Variants in RASGEF1A observed in about 807,000 individuals in gnomAD.
RASGEF1A encodes the protein ras-GEF domain-containing family member 1A.
In RASGEF1A, 18 loss-of-function variants were observed where a neutral mutation model predicts 56.4. The ratio of observed to expected loss-of-function variants is 0.32; its 90% CI spans 0.22 to 0.47. The LOEUF (loss-of-function observed/expected upper bound fraction) is 0.47. Ranked by LOEUF, RASGEF1A falls within the 20% of genes least tolerant of loss-of-function variation. The pLI is 1.00. For synonymous variants in RASGEF1A, 245 were observed against 242.6 expected, an observed-to-expected ratio of 1.01 and a Z score of -0.09; for missense variants, 422 against 627.1, an observed-to-expected ratio of 0.67 and a Z score of 3.49.
At chr10:43,226,675 C>T (rs1031020729) in intron 1 of RASGEF1A, among the ~76,000 whole-genome samples, 3 of 152,202 alleles carry the variant, frequency 2.0e-5, no homozygotes, top group Admixed American at 6.5e-5. Flanking sequence ...CCAGCTCTGA[C>T]CCCTGACCTC....
intron 1 of RASGEF1A, among the ~76,000 whole-genome samples, chr10:43,243,026 C>G (rs563519006): frequency 6.6e-6 from 1 of 151,596 alleles, no homozygotes; most frequent in African/African-American, 2.4e-5. Context: ...TCTGCCCGCC[C>G]GACCCATCTG....
Position 43,203,392 on chromosome 10 carries a change from C to A in RASGEF1A, c.227G>T (p.Ser76Ile). 6.3e-7 allele frequency: 1 copy of A among 1,585,100 alleles called. No individual in the cohort carries two copies. Among genetic ancestry groups the A allele is most frequent in the East Asian group, 2.3e-5 (1 of 43,538 alleles). ...ATGAGGGGGCATAAAGACCCGGGAG[C>A]TCAGGAGAAAGGTGAAGATGTACGT... ...DRTYIFTFLL[S>I]SRVFMPPHDL... Residue 76 changes from serine (S) to isoleucine (I), a missense_variant, in exon 3 of 13, where the codon AGC becomes ATC. Physicochemically the swap from Ser to Ile is moderately radical, Grantham distance 142 (BLOSUM62 -2). Coordinates refer to ENST00000395810, the MANE Select transcript of RASGEF1A (RefSeq NM_145313.4).
At chr10:43,254,709 G>A (rs967837884) in intron 1 of RASGEF1A, among the ~76,000 whole-genome samples, 3 of 152,190 alleles carry the variant, frequency 2.0e-5, no homozygotes, top group Non-Finnish European at 2.9e-5. Flanking sequence ...CACAGGCAAG[G>A]ATGGAAACCG....
chr10:43,208,195 T>C, intron 1 of RASGEF1A: 3 of 985,400 alleles, frequency 3.0e-6, no homozygotes, highest in Non-Finnish European at 3.6e-6. Context: ...GTGGTAACCT[T>C]GGTCAGTTGG....
intron 8 of RASGEF1A, 22 bp from the exon 9 acceptor site, chr10:43,199,034 G>A (rs777765017): frequency 3.9e-6 from 6 of 1,558,228 alleles, no homozygotes; most frequent in Non-Finnish European, 2.7e-6. Flanking sequence ...AGCAGGTAGG[G>A]TCAGGGCCGG....
At chr10:43,259,352 C>T (rs1383127241) in intron 1 of RASGEF1A, among the ~76,000 whole-genome samples, 1 of 152,094 alleles carries the variant, frequency 6.6e-6, no homozygotes, top group East Asian at 1.9e-4. Flanking sequence ...TACCCAGACT[C>T]CCCCAGGGCT....
At chr10:43,256,451 G>A (rs1028487653) in intron 1 of RASGEF1A, among the ~76,000 whole-genome samples, 2 of 152,090 alleles carry the variant, frequency 1.3e-5, no homozygotes, top group African/African-American at 4.8e-5. Flanking sequence ...AGAAAGGGCT[G>A]GTTGGGGGTG....
In RASGEF1A at chr10:43,206,008, C is replaced by T; in HGVS notation, c.109G>A (p.Asp37Asn). Residue 37 changes from aspartate (D) to asparagine (N), a missense_variant, in exon 2 of 13, where the codon GAC becomes AAC. Asp to Asn is a conservative substitution (Grantham distance 23, BLOSUM62 1). This residue lies in a region of RASGEF1A where 273 missense variants were observed against 339.9 expected (regional missense o/e 0.80). Coordinates refer to ENST00000395810, the MANE Select transcript of RASGEF1A (RefSeq NM_145313.4). ...AGGTGTCCATCTTGGAAGATGAGGT[C>T]CCCGGAGCCGCCACCGGCCCCGCCT... ...RGGGAGGGSG[D>N]LIFQDGHLIS... 1.2e-6 allele frequency: 2 copies of T among 1,611,388 alleles called. No homozygotes were observed. The highest frequency in any genetic ancestry group is 1.3e-5 in the African/African-American group (1 of 75,046).
intron 1 of RASGEF1A, among the ~76,000 whole-genome samples, chr10:43,259,777 G>A (rs528279328): frequency 4.0e-4 from 61 of 152,254 alleles, no homozygotes; most frequent in Admixed American, 6.5e-4. Context: ...CTCACCTCCA[G>A]GAGGTGGAGG....
At chr10:43,222,331 T>C (rs1840219413) in intron 1 of RASGEF1A, among the ~76,000 whole-genome samples, 1 of 152,154 alleles carries the variant, frequency 6.6e-6, no homozygotes, top group Non-Finnish European at 1.5e-5. Flanking sequence ...GCTGATGGAC[T>C]TCTGGACAGC....
chr10:43,230,054 G>A (rs1281166929), intron 1 of RASGEF1A, among the ~76,000 whole-genome samples: 1 of 152,002 alleles, frequency 6.6e-6, no homozygotes, highest in African/African-American at 2.4e-5. Context: ...GCCGGGGGTC[G>A]GTGCTGGCGC....
intron 1 of RASGEF1A, among the ~76,000 whole-genome samples, chr10:43,255,056 AG>A (rs1840672977): frequency 6.6e-6 from 1 of 152,100 alleles, no homozygotes. Flanking sequence ...TGGGGTTTCC[AG>A]CACCTCCGGG....
Position 43,239,010 on chromosome 10 carries a change from C to G in RASGEF1A, c.-7+27835G>C, listed in dbSNP as rs573295429. On this transcript the variant is annotated intron_variant, in intron 1 of 12. Transcript: ENST00000395810. ...TCTCGAAGAAGGGGTATTATTCATT[C>G]TAATCAGTGGTGCCTGGAATGATGC... 9.8e-5 allele frequency among the ~76,000 whole-genome samples: 15 copies of G among 152,338 alleles called. No homozygotes were observed. The South Asian group carries it at 2.5e-3, about 25-fold the overall frequency.
At position 43,200,801 on chromosome 10, in the gene RASGEF1A, G is replaced by A. The variant is rs1839884163; in HGVS notation, c.547C>T (p.Arg183Ter). The A allele has an allele frequency of 1.2e-6, 2 of 1,613,762 alleles. No individual in the cohort carries two copies. The highest frequency in any genetic ancestry group is 1.3e-5 in the African/African-American group (1 of 74,930). ...LAARSQLQEL[R>*]EKLRPPAVDK... is the part of the protein sequence containing the mutation. ...ACAGCCGGTGGCCGGAGCTTCTCTC[G>A]CAGTTCCTGGAGCTGGCTCCGGGCA... is the stretch of plus-strand genomic sequence containing the variant. Residue 183 changes from arginine (R) to a stop codon, truncating the protein, a stop_gained, in exon 5 of 13, where the codon CGA becomes TGA. Coordinates refer to ENST00000395810, the MANE Select transcript of RASGEF1A (RefSeq NM_145313.4). LOFTEE classifies it high-confidence loss of function.
intron 1 of RASGEF1A, among the ~76,000 whole-genome samples, chr10:43,263,937 G>A (rs143875154): frequency 6.6e-6 from 1 of 152,202 alleles, no homozygotes; most frequent in Non-Finnish European, 1.5e-5. Flanking sequence ...CCCCGCTTGA[G>A]TCCTCACACC....
intron 3 of RASGEF1A, among the ~76,000 whole-genome samples, chr10:43,202,364 G>C (rs1268878120): frequency 6.6e-6 from 1 of 152,200 alleles, no homozygotes. Flanking sequence ...CCCGAGGGGA[G>C]GCGACGCGCT....
intron 1 of RASGEF1A, among the ~76,000 whole-genome samples, chr10:43,254,265 C>T (rs371142259): frequency 6.6e-6 from 1 of 152,228 alleles, no homozygotes; most frequent in Non-Finnish European, 1.5e-5. Flanking sequence ...CCAGTGGCAC[C>T]AGGACAGCTG....
chr10:43,220,274 G>A (rs550958538), intron 1 of RASGEF1A, among the ~76,000 whole-genome samples: 54 of 152,334 alleles, frequency 3.5e-4, no homozygotes, highest in Middle Eastern at 3.4e-3. Flanking sequence ...CCGAGGTGGA[G>A]GATCGCTTGA....
chr10:43,230,087 G>C (rs1198743769), intron 1 of RASGEF1A, among the ~76,000 whole-genome samples: 2 of 152,104 alleles, frequency 1.3e-5, no homozygotes, highest in African/African-American at 4.8e-5. Flanking sequence ...AGGGGGCGCA[G>C]CGTGGGTCGG....
Sources: gnomAD v4.1 joint callset for allele counts (sites outside exome capture counted in the v4.1 genomes callset) on GRCh38, gnomAD v4.1.1 for gene constraint, gnomAD v4.1.1 regional missense constraint, MANE v1.5 for transcripts, NCBI Gene and HGNC (gene_info 2026-07-23, HGNC 2026-07-21) for gene names.